Variants in PTPRD observed in about 807,000 individuals in gnomAD.
PTPRD encodes protein tyrosine phosphatase receptor type D.
A neutral mutation model predicts 214.5 loss-of-function variants in PTPRD; 34 were observed. That is an observed-to-expected ratio of 0.16 (90% CI 0.12 to 0.21). The LOEUF is 0.21. Ranked by LOEUF, PTPRD falls within the 10% of genes least tolerant of loss-of-function variation. PTPRD has a pLI of 1.00. For missense variants in PTPRD, 2,545 were observed against 2,398.7 expected (o/e 1.06, Z -1.27); for synonymous variants, 1,128 against 845.7 (o/e 1.33, Z -5.79).
At chr9:9,181,191 C>G (rs777137145) in intron 10 of PTPRD, among the ~76,000 whole-genome samples, 1 of 151,756 alleles carries the variant, frequency 6.6e-6, no homozygotes, top group Non-Finnish European at 1.5e-5. Flanking sequence ...ATACTAAGGG[C>G]TCAACAAATG....
At chr9:8,456,559 T>C (rs553034252) in intron 33 of PTPRD, among the ~76,000 whole-genome samples, 1 of 152,252 alleles carries the variant, frequency 6.6e-6, no homozygotes, top group African/African-American at 2.4e-5. Flanking sequence ...ACATATTTCT[T>C]CATAGCATCT....
chr9:9,090,939 C>G (rs1482887215), intron 10 of PTPRD: 2 of 1,560,564 alleles, frequency 1.3e-6, no homozygotes, highest in African/African-American at 2.7e-5. Flanking sequence ...CCAAAAAGGG[C>G]TGCGGCCACG....
At chr9:9,944,837 A>C (rs2092312242) in intron 4 of PTPRD, among the ~76,000 whole-genome samples, 1 of 152,140 alleles carries the variant, frequency 6.6e-6, no homozygotes, top group Admixed American at 6.6e-5. Context: ...TGAAATGGAA[A>C]GCCAGTGGGG....
At chr9:8,800,684 C>T (rs1274068467) in intron 11 of PTPRD, among the ~76,000 whole-genome samples, 1 of 152,182 alleles carries the variant, frequency 6.6e-6, no homozygotes, top group East Asian at 1.9e-4. Flanking sequence ...CCAGCAGCCT[C>T]GGGGCTGCTC....
intron 9 of PTPRD, among the ~76,000 whole-genome samples, chr9:9,324,610 G>A (rs1369609539): frequency 6.6e-6 from 1 of 152,180 alleles, no homozygotes; most frequent in Non-Finnish European, 1.5e-5. Context: ...CAGATAGGTA[G>A]ATTGCAAAAG....
At chr9:8,501,122 A>C (rs1013889381) in intron 23 of PTPRD, 63 bp from the exon 24 acceptor site, 2 of 1,310,606 alleles carry the variant, frequency 1.5e-6, no homozygotes, top group African/African-American at 3.0e-5. Context: ...TGAAAAAAAA[A>C]ATGATAAAAC....
chr9:9,458,586 T>C lies in PTPRD; in HGVS notation c.-236-61104A>G, dbSNP rs190938594. Among the ~76,000 whole-genome samples, 7 of 148,556 alleles carry C rather than the reference T, an allele frequency of 4.7e-5. No individual in the cohort carries two copies. The East Asian group carries it at 1.4e-3, about 29-fold the overall frequency. On this transcript the variant is annotated intron_variant, in intron 8 of 45. Transcript: ENST00000381196. ...CTTAAAAAAAATCATGAGTTGTTTG[T>C]TGTTGTTGCTGTTGTTTCCCCAAGA...
intron 8 of PTPRD, among the ~76,000 whole-genome samples, chr9:9,544,419 T>C (rs535372721): frequency 1.3e-5 from 2 of 151,776 alleles, no homozygotes; most frequent in Admixed American, 1.3e-4. Context: ...TTTAGGTACA[T>C]ATGACACACA....
intron 10 of PTPRD, among the ~76,000 whole-genome samples, chr9:9,150,941 G>C (rs1214115778): frequency 6.6e-6 from 1 of 152,164 alleles, no homozygotes; most frequent in Non-Finnish European, 1.5e-5. Flanking sequence ...GAAAAGCAAA[G>C]ATTTTTGAGA....
chr9:10,356,620 T>C (rs2097282833), intron 2 of PTPRD, among the ~76,000 whole-genome samples: 1 of 152,190 alleles, frequency 6.6e-6, no homozygotes, highest in Non-Finnish European at 1.5e-5. Flanking sequence ...TATTTTTTCC[T>C]AAATTGTGAG....
intron 10 of PTPRD, among the ~76,000 whole-genome samples, chr9:9,120,083 C>T (rs2154462997): frequency 6.6e-6 from 1 of 152,248 alleles, no homozygotes; most frequent in South Asian, 2.1e-4. Context: ...AACAGGTAGA[C>T]ATCAAGTAAA....
At chr9:10,442,472 G>C (rs16926025) in intron 2 of PTPRD, among the ~76,000 whole-genome samples, 11,904 of 151,610 alleles carry the variant, frequency 0.079, 764 homozygotes, top group African/African-American at 0.16. Context: ...TGGAGGCATA[G>C]AGAAGGGGCA....
chr9:8,921,025 G>T (rs1364233442), intron 11 of PTPRD, among the ~76,000 whole-genome samples: 1 of 152,108 alleles, frequency 6.6e-6, no homozygotes, highest in Non-Finnish European at 1.5e-5. Context: ...TGTTGGCCAG[G>T]CTGGTCTTGA....
At chr9:9,753,861 T>C (rs554517666) in intron 6 of PTPRD, among the ~76,000 whole-genome samples, 13 of 152,156 alleles carry the variant, frequency 8.5e-5, no homozygotes, top group South Asian at 4.1e-4. Context: ...TATCCTTACA[T>C]TGAATCCATG....
chr9:8,528,902 C>T (rs2074947408), intron 14 of PTPRD, 123 bp from the exon 15 acceptor site: 1 of 884,204 alleles, frequency 1.1e-6, no homozygotes, highest in Non-Finnish European at 1.7e-6. Flanking sequence ...ACAAACCAGG[C>T]ACTAATAAAT....
At chr9:9,007,495 C>T (rs539606711) in intron 11 of PTPRD, among the ~76,000 whole-genome samples, 2 of 151,852 alleles carry the variant, frequency 1.3e-5, no homozygotes, top group East Asian at 1.9e-4. Context: ...GTGCTTGACC[C>T]TATTACTTTT....
chr9:9,345,611 A>T (rs1393211958), intron 9 of PTPRD, among the ~76,000 whole-genome samples: 1 of 152,160 alleles, frequency 6.6e-6, no homozygotes. Context: ...AACTCCCCCA[A>T]GGTCATCCCA....
intron 3 of PTPRD, among the ~76,000 whole-genome samples, chr9:10,222,072 T>C (rs2099573117): frequency 6.6e-6 from 1 of 152,048 alleles, no homozygotes; most frequent in Non-Finnish European, 1.5e-5. Context: ...TTACCCATGA[T>C]CACAATGTAT....
chr9:10,449,480 G>C lies in PTPRD; in HGVS notation c.-599-108463C>G, dbSNP rs572940322. Reference sequence around the variant, plus strand: ...GGCCACCCCGTCTGGGAAGTGAGGAGCCTCTCTGCCTGGCTGCCCATCGTC... The same window carrying C: ...GGCCACCCCGTCTGGGAAGTGAGGACCCTCTCTGCCTGGCTGCCCATCGTC... On this transcript the variant is annotated intron_variant, in intron 2 of 45. Coordinates refer to ENST00000381196, the MANE Select transcript of PTPRD (RefSeq NM_002839.4). 4.5e-3 allele frequency among the ~76,000 whole-genome samples: 672 copies of C among 150,536 alleles called. 17 individuals carry two copies. Among genetic ancestry groups the C allele is most frequent in the African/African-American group, 0.016 (635 of 40,010 alleles).
Sources: allele counts gnomAD v4.1 joint callset (sites outside exome capture counted in the v4.1 genomes callset), GRCh38; gene constraint gnomAD v4.1.1; transcripts MANE v1.5; gene names NCBI Gene and HGNC (gene_info 2026-07-23, HGNC 2026-07-21).